Variants in ATAD2 observed in about 807,000 individuals in gnomAD.
The protein encoded by ATAD2 is ATPase family AAA domain-containing protein 2.
ATAD2 carries 62 observed loss-of-function variants against 168.9 expected under a neutral mutation model. That is an observed-to-expected ratio of 0.37 (90% CI 0.30 to 0.45). The LOEUF (loss-of-function observed/expected upper bound fraction) is 0.45, where lower values mean the gene tolerates loss of function less well. Among genes scored for constraint, ATAD2 ranks in the 20% least tolerant of loss-of-function variants. The pLI is 1.00. For synonymous variants in ATAD2, 613 were observed against 571.6 expected (o/e 1.07, Z -1.03); for missense variants, 1,419 against 1,667.8 (o/e 0.85, Z 2.60).
At position 123,396,238 on chromosome 8, in the gene ATAD2, G is replaced by A; in HGVS notation, c.120C>T (p.Arg40=). 1 of 1,605,498 alleles carries A rather than the reference G, an allele frequency of 6.2e-7. No homozygotes were observed. Among genetic ancestry groups the A allele is most frequent in the Middle Eastern group, 1.8e-4 (1 of 5,688 alleles). ...GTTTCTTCTGCGCCGCGCCGGCCGAGCGGAGCCGCCTCCGGCCGATGTGCT... is the reference window on the plus strand; with the variant it reads ...GTTTCTTCTGCGCCGCGCCGGCCGAACGGAGCCGCCTCCGGCCGATGTGCT... ...SLEHIGRRRL[R]SAGAAQKKPA... Residue 40 remains arginine (R), a synonymous_variant, in exon 1 of 28, where the codon CGC becomes CGT. Coordinates refer to ENST00000287394, the MANE Select transcript of ATAD2 (RefSeq NM_014109.4).
intron 9 of ATAD2, among the ~76,000 whole-genome samples, chr8:123,361,109 T>G (rs1213461183): frequency 6.6e-6 from 1 of 151,682 alleles, no homozygotes; most frequent in Non-Finnish European, 1.5e-5. Context: ...TTGAGGCCAG[T>G]AGTTCAAGAC....
At chr8:123,336,621 G>T in intron 21 of ATAD2, 89 bp from the exon 22 acceptor site, 1 of 955,608 alleles carries the variant, frequency 1.0e-6, no homozygotes, top group Non-Finnish European at 1.5e-6. Context: ...ATAGGAGATA[G>T]AGAATAAATA....
upstream of ATAD2, among the ~76,000 whole-genome samples, chr8:123,399,159 G>A (rs1399442940): frequency 6.6e-6 from 1 of 152,034 alleles, no homozygotes; most frequent in Non-Finnish European, 1.5e-5. Context: ...CTACTCAGGA[G>A]GCTGAGGCAG....
At chr8:123,321,394 T>C (rs1827464265) in intron 27 of ATAD2, among the ~76,000 whole-genome samples, 1 of 151,472 alleles carries the variant, frequency 6.6e-6, no homozygotes, top group Non-Finnish European at 1.5e-5. Flanking sequence ...CTGGGGTGCA[T>C]TCATCTTATG....
chr8:123,333,800 A>G (rs1185443971), intron 24 of ATAD2, 78 bp downstream of exon 24: 8 of 1,420,998 alleles, frequency 5.6e-6, no homozygotes, highest in Admixed American at 2.5e-5. Context: ...CAAATAAAGG[A>G]AAATAAGGGA....
intron 2 of ATAD2, 70 bp downstream of exon 2, chr8:123,380,459 A>G: frequency 6.5e-7 from 1 of 1,543,398 alleles, no homozygotes. Flanking sequence ...ATACACTTCA[A>G]AAATTAAAGC....
chr8:123,329,326 C>G (rs1377993244), intron 24 of ATAD2, among the ~76,000 whole-genome samples: 1 of 152,100 alleles, frequency 6.6e-6, no homozygotes, highest in African/African-American at 2.4e-5. Context: ...ACAATCTTGG[C>G]GCACTACAAC....
chr8:123,401,766 A>G (rs1229731993), intron 1 of ATAD2: 5 of 749,600 alleles, frequency 6.7e-6, no homozygotes, highest in Non-Finnish European at 1.2e-5. Context: ...CCCAGCGAAT[A>G]GTTCTCAGAT....
chr8:123,410,543 T>A (rs1205837720), intron 1 of ATAD2, among the ~76,000 whole-genome samples: 1 of 79,178 alleles, frequency 1.3e-5, no homozygotes, highest in African/African-American at 4.2e-5. Flanking sequence ...CGCCTTGGCC[T>A]CCCAAAGTGT....
At chr8:123,400,563 G>T, upstream of ATAD2, 1 of 489,152 alleles carries the variant, frequency 2.0e-6, no homozygotes. The surrounding 1 kb of genome is among the most constrained non-coding windows in gnomAD (Gnocchi z 4.5). Context: ...TGGGTCGCCG[G>T]GTCTCTGGCA....
intron 24 of ATAD2, among the ~76,000 whole-genome samples, chr8:123,332,636 A>G (rs1470036020): frequency 6.6e-6 from 1 of 152,198 alleles, no homozygotes; most frequent in Non-Finnish European, 1.5e-5. Flanking sequence ...ATAATAATTC[A>G]TATCTTTCCA....
chr8:123,408,503 C>T (rs919602623), intron 1 of ATAD2, among the ~76,000 whole-genome samples: 1 of 152,128 alleles, frequency 6.6e-6, no homozygotes. Flanking sequence ...TCTCCCCTCC[C>T]GTCCCCTCCC....
At chr8:123,341,920 C>T (rs1828074181) in intron 19 of ATAD2, among the ~76,000 whole-genome samples, 1 of 152,134 alleles carries the variant, frequency 6.6e-6, no homozygotes, top group Non-Finnish European at 1.5e-5. Context: ...AACCCCATCT[C>T]TACTACAAAT....
At chr8:123,328,096 A>C in intron 25 of ATAD2, 94 bp downstream of exon 25, 1 of 1,056,950 alleles carries the variant, frequency 9.5e-7, no homozygotes, top group Non-Finnish European at 1.2e-6. Flanking sequence ...CTGAAAGGCA[A>C]GCAAAAAGCA....
chr8:123,327,514 A>G (rs1827646141), intron 25 of ATAD2, among the ~76,000 whole-genome samples: 2 of 151,970 alleles, frequency 1.3e-5, no homozygotes, highest in South Asian at 4.1e-4. Context: ...CAGCCACTAA[A>G]AAAAAAAAAG....
At chr8:123,399,674 G>C (rs1417662114), upstream of ATAD2, among the ~76,000 whole-genome samples, 1 of 151,502 alleles carries the variant, frequency 6.6e-6, no homozygotes, top group Non-Finnish European at 1.5e-5. Context: ...GACCAACATG[G>C]AGAAACCCCA....
chr8:123,326,536 C>T (rs1012580697), intron 25 of ATAD2, among the ~76,000 whole-genome samples: 2 of 151,654 alleles, frequency 1.3e-5, no homozygotes, highest in Non-Finnish European at 2.9e-5. Context: ...AAATTAGCTG[C>T]GCATGGTGGT....
chr8:123,338,695 G>A (rs982186973), intron 20 of ATAD2, among the ~76,000 whole-genome samples: 9 of 152,254 alleles, frequency 5.9e-5, no homozygotes, highest in Admixed American at 2.6e-4. Context: ...GCCCATATAA[G>A]TTAGGAAAGG....
At chr8:123,401,430 G>C, upstream of ATAD2, 1 of 1,398,736 alleles carries the variant, frequency 7.1e-7, no homozygotes, top group Non-Finnish European at 1.0e-6. Context: ...AACTGCCATG[G>C]TGTATTACGT....
Sources: gnomAD v4.1 joint callset for allele counts (sites outside exome capture counted in the v4.1 genomes callset) on GRCh38, gnomAD v4.1.1 for gene constraint, Gnocchi (gnomAD v3.1) non-coding constraint, MANE v1.5 for transcripts, NCBI Gene and HGNC (gene_info 2026-07-23, HGNC 2026-07-21) for gene names.